The following TBC1D22A variants were observed in gnomAD, a reference collection of about 807,000 sequenced individuals.
TBC1D22A encodes the protein putative GTPase activator.
Under a neutral mutation model 60.2 loss-of-function variants are expected in TBC1D22A, and 38 were observed. The ratio of observed to expected loss-of-function variants is 0.63; its 90% confidence interval spans 0.49 to 0.83. The LOEUF is 0.83. TBC1D22A is among the 40% of genes least tolerant of loss of function. The pLI, the probability that TBC1D22A is intolerant of heterozygous loss-of-function variation, is 0.00. For synonymous variants in TBC1D22A, 302 were observed against 281.7 expected, an observed-to-expected ratio of 1.07 and a Z score of -0.72; for missense variants, 628 against 701.0, an observed-to-expected ratio of 0.90 and a Z score of 1.18.
rs73888468 is a variant in TBC1D22A, at chr22:46,915,462, G to A, written c.1015+3274G>A. On this transcript the variant is annotated intron_variant, in intron 8 of 12. Coordinates refer to ENST00000337137, the MANE Select transcript of TBC1D22A (RefSeq NM_014346.5). ...CACCTGCCAGTCCTTGGGCCTCAGC[G>A]TTCAGGTTATCATGTGACCGCTCAT... 3.7e-5 allele frequency: 17 copies of A among 456,464 alleles called. No homozygotes were observed. In the East Asian group the frequency reaches 9.0e-4, roughly 24 times the overall value. 28.3% of individuals were successfully genotyped at this position (456,464 alleles called of 1,614,324 possible). A position where few individuals can be genotyped will look rare whatever the true frequency, so the allele number is the denominator to read the frequency against.
chr22:46,963,440 T>G (rs926809782), intron 8 of TBC1D22A, among the ~76,000 whole-genome samples: 2 of 108,590 alleles, frequency 1.8e-5, no homozygotes, highest in Admixed American at 9.4e-5. Context: ...TTGTGTGGTG[T>G]TCTGCTTTCT....
At position 47,082,325 on chromosome 22, in the gene TBC1D22A, C is replaced by A. The variant is rs559657742; in HGVS notation, c.1330-29183C>A. On this transcript the variant is annotated intron_variant, in intron 11 of 12. Coordinates refer to ENST00000337137, the MANE Select transcript of TBC1D22A (RefSeq NM_014346.5). ...AAATTTACAGAGTTTTTTAAAAGAA[C>A]AACTAAGTTTGAGAACTTCTTGATT... Among the ~76,000 whole-genome samples the A allele has an allele frequency of 7.2e-5, 11 of 152,142 alleles. No homozygotes were observed. The East Asian group carries it at 1.7e-3, about 24-fold the overall frequency.
chr22:47,130,870 C>T (rs2066655590), intron 12 of TBC1D22A, among the ~76,000 whole-genome samples: 1 of 152,200 alleles, frequency 6.6e-6, no homozygotes, highest in African/African-American at 2.4e-5. Context: ...TAAAGGAACA[C>T]CCTGGCCTGG....
chr22:46,793,431 A>G, intron 2 of TBC1D22A, 70 bp from the exon 3 acceptor site: 1 of 1,481,304 alleles, frequency 6.8e-7, no homozygotes, highest in Non-Finnish European at 9.3e-7. Context: ...TTCACCTGGG[A>G]ATTCTTTCCT....
intron 9 of TBC1D22A, among the ~76,000 whole-genome samples, chr22:46,995,694 G>A (rs1426014268): frequency 6.6e-6 from 1 of 152,078 alleles, no homozygotes; most frequent in African/African-American, 2.4e-5. Flanking sequence ...CTGTTTCCAC[G>A]TCACTGGGGC....
chr22:46,825,113 A>G lies in TBC1D22A; in HGVS notation c.637+27493A>G, dbSNP rs1602029414. ...TGGTGCCTGTGTTTTCCCTTAACGC[A>G]AGGCATTTGCGTGTGCAGCAGGCGT... On this transcript the variant is annotated intron_variant, in intron 4 of 12. Coordinates refer to ENST00000337137, the MANE Select transcript of TBC1D22A (RefSeq NM_014346.5). 2.0e-5 allele frequency among the ~76,000 whole-genome samples: 3 copies of G among 152,154 alleles called. No homozygotes were observed. In the East Asian group the frequency reaches 5.8e-4, roughly 29 times the overall value.
chr22:46,922,956 T>C (rs987269454), intron 8 of TBC1D22A, among the ~76,000 whole-genome samples: 1 of 152,244 alleles, frequency 6.6e-6, no homozygotes, highest in Non-Finnish European at 1.5e-5. Context: ...CTTCCAGTAC[T>C]CTATTGAATA....
At chr22:47,124,821 C>T (rs1259540669) in intron 12 of TBC1D22A, among the ~76,000 whole-genome samples, 1 of 152,096 alleles carries the variant, frequency 6.6e-6, no homozygotes, top group African/African-American at 2.4e-5. Flanking sequence ...AGTCTGAGCA[C>T]AGCTGGTGTG....
At chr22:46,801,912 G>A (rs556624403) in intron 4 of TBC1D22A, among the ~76,000 whole-genome samples, 9 of 152,344 alleles carry the variant, frequency 5.9e-5, no homozygotes, top group African/African-American at 1.9e-4. Flanking sequence ...GTTTGGAGCC[G>A]TACACCTTGG....
chr22:47,083,348 G>GACACAC (rs10549216), intron 11 of TBC1D22A, among the ~76,000 whole-genome samples: 22 of 148,560 alleles, frequency 1.5e-4, no homozygotes, highest in Non-Finnish European at 2.5e-4. Context: ...ATACTTAGAA[G>GACACAC]ACACACACAC....
intron 8 of TBC1D22A, among the ~76,000 whole-genome samples, chr22:46,952,859 C>T (rs557704203): frequency 6.6e-5 from 10 of 152,342 alleles, no homozygotes; most frequent in East Asian, 3.9e-4. Flanking sequence ...AGGACCACCC[C>T]GTTGTCTCCT....
At chr22:47,156,687 T>C (rs374702032) in intron 12 of TBC1D22A, among the ~76,000 whole-genome samples, 1 of 152,208 alleles carries the variant, frequency 6.6e-6, no homozygotes, top group Non-Finnish European at 1.5e-5. Flanking sequence ...TGTCCCTCTC[T>C]ACCCTCACAG....
At chr22:46,900,307 A>G (rs1282453062) in intron 7 of TBC1D22A, among the ~76,000 whole-genome samples, 1 of 151,956 alleles carries the variant, frequency 6.6e-6, no homozygotes, top group Admixed American at 6.6e-5. Flanking sequence ...ACCCACCACC[A>G]TGTCCAGCTA....
intron 8 of TBC1D22A, among the ~76,000 whole-genome samples, chr22:46,972,349 G>A (rs981729354): frequency 6.6e-6 from 1 of 151,996 alleles, no homozygotes; most frequent in Admixed American, 6.5e-5. Flanking sequence ...TCCCGCCCAC[G>A]GGACCGGCTC....
At chr22:46,918,136 G>A (rs996719903) in intron 8 of TBC1D22A, among the ~76,000 whole-genome samples, 2 of 152,242 alleles carry the variant, frequency 1.3e-5, no homozygotes, top group African/African-American at 2.4e-5. Flanking sequence ...GGTATGGAAC[G>A]CAGTAAGTGT....
intron 10 of TBC1D22A, among the ~76,000 whole-genome samples, chr22:47,035,918 T>A (rs1363815908): frequency 6.6e-6 from 1 of 152,248 alleles, no homozygotes; most frequent in Non-Finnish European, 1.5e-5. Context: ...CGCTTGTTGC[T>A]GAAATATTGC....
chr22:47,085,735 ATTCT>A (rs1180203218), intron 11 of TBC1D22A, among the ~76,000 whole-genome samples: 1 of 152,194 alleles, frequency 6.6e-6, no homozygotes, highest in Non-Finnish European at 1.5e-5. Context: ...GAGAACTTTA[ATTCT>A]TTCTTATCAG....
At position 46,777,144 on chromosome 22, in the gene TBC1D22A, C is replaced by G. The variant is rs555269359; in HGVS notation, c.62+14296C>G. 6.6e-6 allele frequency among the ~76,000 whole-genome samples: 1 copy of G among 152,178 alleles called. No homozygotes were observed. Among genetic ancestry groups the G allele is most frequent in the Middle Eastern group, 3.4e-3 (1 of 294 alleles). On this transcript the variant is annotated intron_variant, in intron 1 of 12. Coordinates refer to ENST00000337137, the MANE Select transcript of TBC1D22A (RefSeq NM_014346.5). The surrounding 1 kb of genome is among the most constrained non-coding windows in gnomAD (Gnocchi z 4.5). ...CAGGGAGGAGACGAGGCTGACCCTCCTGTTGGTGGATGGCAGTTCTGGAGG... is the reference window on the plus strand; with the variant it reads ...CAGGGAGGAGACGAGGCTGACCCTCGTGTTGGTGGATGGCAGTTCTGGAGG...
intron 10 of TBC1D22A, among the ~76,000 whole-genome samples, chr22:47,017,668 T>G (rs2061953574): frequency 6.6e-6 from 1 of 152,166 alleles, no homozygotes; most frequent in Non-Finnish European, 1.5e-5. Context: ...GCTCCCAGTC[T>G]AAGGCGTTAC....
Sources: gnomAD v4.1 joint callset for allele counts (sites outside exome capture counted in the v4.1 genomes callset) on GRCh38, gnomAD v4.1.1 for gene constraint, Gnocchi (gnomAD v3.1) non-coding constraint, MANE v1.5 for transcripts, NCBI Gene and HGNC (gene_info 2026-07-23, HGNC 2026-07-21) for gene names.